Variants in SUPT3H observed in about 807,000 individuals in gnomAD.
SUPT3H encodes the protein SPT3 homolog, SAGA and STAGA complex component.
SUPT3H carries 44 observed loss-of-function variants against 44.3 expected under a neutral mutation model. The ratio of observed to expected loss-of-function variants is 0.99; its 90% CI spans 0.78 to 1.28. The LOEUF (loss-of-function observed/expected upper bound fraction) is 1.28, where lower values mean the gene tolerates loss of function less well. Ranked by LOEUF, SUPT3H falls within the 50% of genes most tolerant of loss-of-function variation. The pLI, the probability that SUPT3H is intolerant of heterozygous loss-of-function variation, is 0.00. For synonymous variants in SUPT3H, 124 were observed against 125.6 expected (o/e 0.99, Z 0.09); for missense variants, 380 against 387.1 (o/e 0.98, Z 0.15).
chr6:44,831,310 T>C (rs1768688625), intron 10 of SUPT3H, among the ~76,000 whole-genome samples: 1 of 151,940 alleles, frequency 6.6e-6, no homozygotes. Flanking sequence ...ATGGGGCTTT[T>C]TGTGTTGTAG....
chr6:44,973,007 C>T (rs114081331), intron 6 of SUPT3H, among the ~76,000 whole-genome samples: 1 of 149,162 alleles, frequency 6.7e-6, no homozygotes, highest in Admixed American at 6.6e-5. Context: ...TAACATTTTG[C>T]TCCTCATTAT....
At chr6:45,172,451 C>T (rs1049961976) in intron 2 of SUPT3H, among the ~76,000 whole-genome samples, 3 of 151,900 alleles carry the variant, frequency 2.0e-5, no homozygotes, top group Non-Finnish European at 2.9e-5. Flanking sequence ...CATCTCAGAG[C>T]GTAAACTCTT....
chr6:44,816,728 A>G (rs532865733), intron 11 of SUPT3H, among the ~76,000 whole-genome samples: 31 of 152,304 alleles, frequency 2.0e-4, no homozygotes, highest in African/African-American at 7.5e-4. Context: ...TACAGATACA[A>G]AAATACCTAG....
rs147056833 is a variant in SUPT3H, at chr6:44,947,550, C to CT, written c.801+5759dup. On this transcript the variant is annotated intron_variant, in intron 9 of 10. Coordinates refer to ENST00000371459, the MANE Select transcript of SUPT3H (RefSeq NM_003599.4). ...CCTTTCAAAATCCCACCAGGCTTTT[C>CT]TTTTTTTTCTTTTTCTTTCTTTGGC... Among the ~76,000 whole-genome samples, 7 of 151,902 alleles carry CT rather than the reference C, an allele frequency of 4.6e-5. No individual in the cohort carries two copies. The South Asian group carries it at 1.0e-3, about 23-fold the overall frequency.
Position 44,961,760 on chromosome 6 carries a change from T to G in SUPT3H, c.573A>C (p.Leu191Phe). Residue 191 changes from leucine to phenylalanine, a missense_variant, in exon 7 of 11, where the codon TTA becomes TTC. Coordinates refer to ENST00000371459, the MANE Select transcript of SUPT3H (RefSeq NM_003599.4). ...AGTTAAATAGTTACTTACAGAAACT[T>G]AATTGTCGACTTTCACAGAATTCTG... is the stretch of plus-strand genomic sequence containing the variant. ...QYAEFCESRQ[L>F]SFSKKASKFR... The G allele has an allele frequency of 6.2e-7, 1 of 1,607,532 alleles. No homozygotes were observed. The highest frequency in any genetic ancestry group is 8.5e-7 in the Non-Finnish European group (1 of 1,178,050).
chr6:45,037,911 T>G (rs1195206996), intron 3 of SUPT3H, among the ~76,000 whole-genome samples: 2 of 152,098 alleles, frequency 1.3e-5, no homozygotes, highest in Admixed American at 6.6e-5. Flanking sequence ...CAATTAACTT[T>G]TCTTACTTTT....
intron 2 of SUPT3H, among the ~76,000 whole-genome samples, chr6:45,191,817 C>T (rs1365514732): frequency 2.0e-5 from 3 of 151,992 alleles, no homozygotes; most frequent in Non-Finnish European, 4.4e-5. Flanking sequence ...ATGTCATCTC[C>T]CTAGCAAAAG....
chr6:44,932,154 C>A (rs968553611), intron 10 of SUPT3H, among the ~76,000 whole-genome samples: 1 of 152,052 alleles, frequency 6.6e-6, no homozygotes, highest in Admixed American at 6.5e-5. Context: ...TAAAACAACA[C>A]AAAACCCTGA....
chr6:44,876,693 TTAAA>T (rs1305714889), intron 10 of SUPT3H, among the ~76,000 whole-genome samples: 1 of 151,000 alleles, frequency 6.6e-6, no homozygotes, highest in Non-Finnish European at 1.5e-5. Context: ...CAACATACTC[TTAAA>T]TAACCAATGG....
At chr6:45,174,192 T>C (rs1478403817) in intron 2 of SUPT3H, among the ~76,000 whole-genome samples, 1 of 152,234 alleles carries the variant, frequency 6.6e-6, no homozygotes, top group African/African-American at 2.4e-5. Flanking sequence ...GTGGTTACAG[T>C]GGTTAAGAGT....
intron 2 of SUPT3H, among the ~76,000 whole-genome samples, chr6:45,164,128 A>G (rs893611863): frequency 2.6e-5 from 4 of 152,148 alleles, no homozygotes; most frequent in African/African-American, 9.7e-5. Flanking sequence ...AGAGATGCCC[A>G]CCAGAGGACA....
intron 2 of SUPT3H, among the ~76,000 whole-genome samples, chr6:45,138,710 A>G (rs547657374): frequency 6.6e-6 from 1 of 152,278 alleles, no homozygotes; most frequent in Non-Finnish European, 1.5e-5. Flanking sequence ...AGTTATAAGA[A>G]TAGAGACTGG....
At chr6:45,037,044 C>T (rs928169986) in intron 3 of SUPT3H, among the ~76,000 whole-genome samples, 3 of 151,944 alleles carry the variant, frequency 2.0e-5, no homozygotes, top group African/African-American at 7.3e-5. Flanking sequence ...GAGTCGCACT[C>T]AGAGCTGGAT....
intron 10 of SUPT3H, among the ~76,000 whole-genome samples, chr6:44,886,242 G>A (rs904088683): frequency 1.2e-4 from 18 of 152,092 alleles, no homozygotes; most frequent in South Asian, 4.2e-4. Context: ...GCAGGCCAAC[G>A]TTCAGATTCA....
At chr6:45,096,558 C>G (rs1797810798) in intron 3 of SUPT3H, among the ~76,000 whole-genome samples, 1 of 151,784 alleles carries the variant, frequency 6.6e-6, no homozygotes, top group Non-Finnish European at 1.5e-5. Flanking sequence ...AAGAATTATG[C>G]ATTAGATGAG....
chr6:45,354,630 TACACAC>T (rs35189031), intron 2 of SUPT3H, among the ~76,000 whole-genome samples: 22,777 of 149,788 alleles, frequency 0.15, 1,941 homozygotes, highest in East Asian at 0.26. Flanking sequence ...CACGCACACA[TACACAC>T]ACACACACAC....
chr6:45,136,056 T>C (rs1356864050), intron 2 of SUPT3H, among the ~76,000 whole-genome samples: 1 of 151,998 alleles, frequency 6.6e-6, no homozygotes, highest in African/African-American at 2.4e-5. Flanking sequence ...GTGAATCCAA[T>C]GGAAAATAAG....
chr6:44,839,301 GT>G (rs1304982579), intron 10 of SUPT3H, among the ~76,000 whole-genome samples: 1 of 149,070 alleles, frequency 6.7e-6, no homozygotes, highest in Non-Finnish European at 1.5e-5. Context: ...AAAAATAAAT[GT>G]TTGTTTCACT....
intron 5 of SUPT3H, among the ~76,000 whole-genome samples, chr6:45,009,039 T>A (rs1277446057): frequency 6.6e-6 from 1 of 152,112 alleles, no homozygotes; most frequent in Non-Finnish European, 1.5e-5. Flanking sequence ...TTTTTAAGTA[T>A]CTTTTTCAGT....
Sources: allele counts gnomAD v4.1 joint callset (sites outside exome capture counted in the v4.1 genomes callset), GRCh38; gene constraint gnomAD v4.1.1; transcripts MANE v1.5; gene names NCBI Gene and HGNC (gene_info 2026-07-23, HGNC 2026-07-21).